The following ANXA6 variants were observed in gnomAD, a reference collection of about 807,000 sequenced individuals.
ANXA6 encodes annexin A6.
In ANXA6, 71 loss-of-function variants were observed where a neutral mutation model predicts 95.4. The observed-to-expected ratio is 0.74, with a 90% CI of 0.61 to 0.91. ANXA6 has a LOEUF of 0.91. Among genes scored for constraint, ANXA6 ranks in the 40% least tolerant of loss-of-function variants. ANXA6 has a pLI of 0.00. For synonymous variants in ANXA6, 289 were observed against 315.9 expected (o/e 0.91, Z 0.90); for missense variants, 830 against 876.4 (o/e 0.95, Z 0.67).
intron 2 of ANXA6, among the ~76,000 whole-genome samples, chr5:151,146,674 T>G (rs1226791687): frequency 6.6e-6 from 1 of 152,180 alleles, no homozygotes; most frequent in African/African-American, 2.4e-5. Context: ...AGTCCCATGA[T>G]TTTCTTCAAG....
intron 21 of ANXA6, 91 bp from the exon 22 acceptor site, chr5:151,109,937 G>C (rs2113898028): frequency 9.9e-7 from 1 of 1,013,856 alleles, no homozygotes; most frequent in African/African-American, 1.6e-5. Flanking sequence ...CCTGGGCTGA[G>C]GGCAGTCAGA....
At chr5:151,156,856 A>G (rs1465637306) in intron 1 of ANXA6, among the ~76,000 whole-genome samples, 1 of 152,174 alleles carries the variant, frequency 6.6e-6, no homozygotes, top group Non-Finnish European at 1.5e-5. Flanking sequence ...TTTGAAAGAG[A>G]CTGGGTTTCT....
intron 25 of ANXA6, 99 bp downstream of exon 25, chr5:151,103,471 A>T: frequency 8.1e-7 from 1 of 1,231,104 alleles, no homozygotes; most frequent in South Asian, 1.7e-5. Context: ...CTAAGCGGTA[A>T]CCCACTGGAA....
At chr5:151,127,755 C>A (rs2113924923) in intron 13 of ANXA6, among the ~76,000 whole-genome samples, 1 of 152,336 alleles carries the variant, frequency 6.6e-6, no homozygotes, top group African/African-American at 2.4e-5. Context: ...TCAGGGGCTT[C>A]CTCACAGGGT....
At chr5:151,135,311 G>C (rs571359860) in intron 7 of ANXA6, among the ~76,000 whole-genome samples, 3 of 152,144 alleles carry the variant, frequency 2.0e-5, no homozygotes, top group Admixed American at 2.0e-4. Flanking sequence ...CCAAGATACA[G>C]GGATAGGACA....
In ANXA6 at chr5:151,103,544, T is replaced by C. The variant is rs746914920; in HGVS notation, c.1962+26A>G. On this transcript the variant is annotated intron_variant, in intron 25 of 25. Coordinates refer to ENST00000354546, the MANE Select transcript of ANXA6 (RefSeq NM_001155.5). ...AGGGATCTGACACTCACCCGCTTCC[T>C]GCTAACCTCTAGCCCCTCCCCTTAC... 3.1e-6 allele frequency: 5 copies of C among 1,601,484 alleles called. No homozygotes were observed. In the South Asian group the frequency reaches 3.4e-5, roughly 11 times the overall value.
intron 24 of ANXA6, among the ~76,000 whole-genome samples, chr5:151,104,600 A>G (rs564957356): frequency 6.6e-6 from 1 of 152,356 alleles, no homozygotes; most frequent in Non-Finnish European, 1.5e-5. Flanking sequence ...TGAGTGCTCA[A>G]TGAATGGCTG....
At chr5:151,103,156 C>T (rs769026701) in intron 25 of ANXA6, among the ~76,000 whole-genome samples, 1 of 152,078 alleles carries the variant, frequency 6.6e-6, no homozygotes, top group Non-Finnish European at 1.5e-5. Context: ...GCCAACACAC[C>T]CAGCTAATTT....
chr5:151,100,767 A>G lies in ANXA6; in HGVS notation c.*681T>C. On this transcript the variant is annotated 3_prime_UTR_variant, in exon 26 of 26. Coordinates refer to ENST00000354546, the MANE Select transcript of ANXA6 (RefSeq NM_001155.5). ...CCTTAGAAATAAAAAGTGTCAAGGG[A>G]ATGAATCGGAGGCATACTTTAGGAA... 1 of 416,392 alleles carries G rather than the reference A, an allele frequency of 2.4e-6. No homozygotes were observed. The highest frequency in any genetic ancestry group is 4.8e-6 in the Non-Finnish European group (1 of 206,842). The allele number at this position is 416,392 out of a possible 1,614,324, so 25.8% of individuals were successfully genotyped here. A position where few individuals can be genotyped will look rare whatever the true frequency, so the allele number is the denominator to read the frequency against.
chr5:151,123,690 G>A (rs540555786), intron 15 of ANXA6, among the ~76,000 whole-genome samples: 1 of 152,290 alleles, frequency 6.6e-6, no homozygotes, highest in Non-Finnish European at 1.5e-5. Flanking sequence ...AAGCCTCCTG[G>A]GAGTTGCTGT....
chr5:151,151,481 C>T (rs1228525254), intron 1 of ANXA6: 1 of 152,172 alleles, frequency 6.6e-6, no homozygotes, highest in East Asian at 1.9e-4. Flanking sequence ...AACAAGTCCC[C>T]ACACAACTGT....
At chr5:151,117,892 G>T in intron 18 of ANXA6, 55 bp from the exon 19 acceptor site, 1 of 1,464,974 alleles carries the variant, frequency 6.8e-7, no homozygotes, top group South Asian at 1.2e-5. Flanking sequence ...ATTTGGTTGC[G>T]GGGAGGGAGG....
chr5:151,129,319 A>G (rs1170262120), intron 12 of ANXA6, 88 bp downstream of exon 12: 3 of 1,534,368 alleles, frequency 2.0e-6, no homozygotes, highest in Non-Finnish European at 1.8e-6. Flanking sequence ...TTCCTAGGAC[A>G]TTTCCTTTTC....
chr5:151,132,723 C>T (rs909456578), intron 9 of ANXA6, among the ~76,000 whole-genome samples, 152 bp from the exon 10 acceptor site: 38 of 151,904 alleles, frequency 2.5e-4, no homozygotes, highest in African/African-American at 8.0e-4. Flanking sequence ...TGGGAGGTCA[C>T]GCACATCACC....
At position 151,122,218 on chromosome 5, in the gene ANXA6, C is replaced by T. The variant is rs749363245; in HGVS notation, c.1276G>A (p.Ala426Thr). Residue 426 changes from alanine (A) to threonine (T), a missense_variant, in exon 17 of 26, where the codon GCA becomes ACA. By Grantham distance (58) the Ala-to-Thr change is moderately conservative. Transcript: ENST00000354546. Reference sequence around the variant, plus strand: ...ATCATGAGCCCCAGAATCAGCCTTGCCAGGTCTCCAGAGATCTCAGACTTC... The same window carrying T: ...ATCATGAGCCCCAGAATCAGCCTTGTCAGGTCTCCAGAGATCTCAGACTTC... ...DLKSEISGDL[A>T]RLILGLMMPP... The T allele has an allele frequency of 6.2e-7, 1 of 1,604,750 alleles. No individual in the cohort carries two copies. The highest frequency in any genetic ancestry group is 8.5e-7 in the Non-Finnish European group (1 of 1,176,626).
At chr5:151,109,887 C>T (rs1311334318) in intron 21 of ANXA6, 41 bp from the exon 22 acceptor site, 2 of 1,406,222 alleles carry the variant, frequency 1.4e-6, no homozygotes, top group Admixed American at 1.9e-5. Context: ...GGAGGGGAGA[C>T]ATGAGAAAGC....
At chr5:151,148,378 T>C (rs975946510) in intron 1 of ANXA6, among the ~76,000 whole-genome samples, 11 of 152,204 alleles carry the variant, frequency 7.2e-5, no homozygotes, top group Non-Finnish European at 1.6e-4. Flanking sequence ...CCAGAGTCTA[T>C]ACTATCTGCA....
At chr5:151,138,818 A>T in intron 4 of ANXA6, 27 bp from the exon 5 acceptor site, 2 of 1,485,604 alleles carry the variant, frequency 1.3e-6, no homozygotes, top group Admixed American at 1.7e-5. Context: ...AAGAGGAGAT[A>T]GAAGAGGAAA....
intron 12 of ANXA6, chr5:151,128,482 T>G (rs1011447303): frequency 2.9e-5 from 14 of 486,206 alleles, no homozygotes; most frequent in African/African-American, 2.7e-4. Flanking sequence ...ATGGACAATT[T>G]CAAGTTACCA....
Sources: allele counts gnomAD v4.1 joint callset (sites outside exome capture counted in the v4.1 genomes callset), GRCh38; gene constraint gnomAD v4.1.1; transcripts MANE v1.5; gene names NCBI Gene and HGNC (gene_info 2026-07-23, HGNC 2026-07-21).